The following ATF6 variants were observed in gnomAD, a reference collection of about 807,000 sequenced individuals.
ATF6 encodes the protein activating transcription factor 6.
A neutral mutation model predicts 83.6 loss-of-function variants in ATF6; 53 were observed. The ratio of observed to expected loss-of-function variants is 0.63; its 90% CI spans 0.51 to 0.80. ATF6 has a LOEUF of 0.80. Ranked by LOEUF, ATF6 falls within the 30% of genes least tolerant of loss-of-function variation. The pLI is 0.00. For missense variants in ATF6, 744 were observed against 797.9 expected, an observed-to-expected ratio of 0.93 and a Z score of 0.81; for synonymous variants, 288 against 285.8, an observed-to-expected ratio of 1.01 and a Z score of -0.08.
intron 14 of ATF6, among the ~76,000 whole-genome samples, chr1:161,881,013 C>G (rs1215234138): frequency 2.6e-5 from 4 of 151,896 alleles, no homozygotes; most frequent in Non-Finnish European, 4.4e-5. Context: ...TAATTTTGAC[C>G]AACTTTTTAT....
intron 15 of ATF6, among the ~76,000 whole-genome samples, chr1:161,947,227 T>A (rs1385524004): frequency 2.0e-5 from 3 of 152,036 alleles, no homozygotes; most frequent in Non-Finnish European, 4.4e-5. Context: ...CAAGGACAAG[T>A]AGGGATTTGT....
rs1689023098 is a variant in ATF6, at chr1:161,958,852, G to T, written c.*198G>T. The stretch of plus-strand genomic sequence containing the variant: ...TCTATTTGGAAAGCACTGGAATTCA[G>T]ATGCAAGAGAACAATGTTTCTTCAG... On this transcript the variant is annotated 3_prime_UTR_variant, in exon 16 of 16. Transcript: ENST00000367942. The T allele has an allele frequency of 2.0e-6, 1 of 501,318 alleles. No homozygotes were observed. Among genetic ancestry groups the T allele is most frequent in the Non-Finnish European group, 3.5e-6 (1 of 287,182 alleles). 31.1% of individuals were successfully genotyped at this position (501,318 alleles called of 1,614,324 possible). A position where few individuals can be genotyped will look rare whatever the true frequency, so the allele number is the denominator to read the frequency against.
chr1:161,921,348 A>T (rs1688208804), intron 15 of ATF6, among the ~76,000 whole-genome samples: 1 of 152,154 alleles, frequency 6.6e-6, no homozygotes, highest in Non-Finnish European at 1.5e-5. Context: ...TACAATGAAG[A>T]CTCTATTAAG....
At chr1:161,878,112 A>T (rs1687254021) in intron 14 of ATF6, among the ~76,000 whole-genome samples, 1 of 152,020 alleles carries the variant, frequency 6.6e-6, no homozygotes, top group South Asian at 2.1e-4. Context: ...GTCAGCTCAT[A>T]CACATTTATT....
intron 14 of ATF6, among the ~76,000 whole-genome samples, chr1:161,879,553 G>A (rs989172648): frequency 3.9e-5 from 6 of 152,068 alleles, no homozygotes; most frequent in African/African-American, 7.2e-5. Flanking sequence ...ACCAATCTTG[G>A]AGGGGCTGTC....
intron 12 of ATF6, among the ~76,000 whole-genome samples, chr1:161,858,244 A>G (rs547920220): frequency 1.1e-4 from 17 of 152,360 alleles, no homozygotes; most frequent in African/African-American, 4.1e-4. Flanking sequence ...TTAAAAATGC[A>G]TACCAAGATG....
At chr1:161,799,326 G>GATAAT (rs765015171) in intron 6 of ATF6, among the ~76,000 whole-genome samples, 137 of 152,272 alleles carry the variant, frequency 9.0e-4, no homozygotes, top group Middle Eastern at 3.4e-3. Context: ...AATTAATGCA[G>GATAAT]GAACAGAAAA....
intron 15 of ATF6, among the ~76,000 whole-genome samples, chr1:161,935,022 C>T (rs988146043): frequency 2.6e-5 from 4 of 152,204 alleles, no homozygotes; most frequent in Non-Finnish European, 4.4e-5. Flanking sequence ...TAAAGAAAGA[C>T]AGATGCAAAT....
At chr1:161,918,546 G>A (rs1688144881) in intron 15 of ATF6, among the ~76,000 whole-genome samples, 1 of 152,144 alleles carries the variant, frequency 6.6e-6, no homozygotes, top group South Asian at 2.1e-4. Flanking sequence ...ATTACATAAT[G>A]TATAATCTGA....
intron 15 of ATF6, among the ~76,000 whole-genome samples, chr1:161,915,072 A>C (rs1688068760): frequency 6.6e-6 from 1 of 152,008 alleles, no homozygotes; most frequent in South Asian, 2.1e-4. Context: ...AAACTCCAAC[A>C]TCCTCTCTCC....
chr1:161,786,281 C>T (rs1023428511), intron 4 of ATF6, among the ~76,000 whole-genome samples: 39 of 152,034 alleles, frequency 2.6e-4, no homozygotes, highest in African/African-American at 8.9e-4. Context: ...ACACTGCGCC[C>T]GGCCGTTCAT....
intron 15 of ATF6, among the ~76,000 whole-genome samples, chr1:161,920,516 G>C (rs959535894): frequency 6.6e-6 from 1 of 151,736 alleles, no homozygotes; most frequent in Non-Finnish European, 1.5e-5. Context: ...GGGTGGTCTC[G>C]ATCTCCTGAC....
intron 15 of ATF6, among the ~76,000 whole-genome samples, chr1:161,951,552 C>T (rs1688863141): frequency 1.3e-5 from 2 of 152,134 alleles, no homozygotes; most frequent in African/African-American, 4.8e-5. Flanking sequence ...CAGATGTTCT[C>T]TCTGAATTTA....
In ATF6 at chr1:161,902,295, A is replaced by G. The variant is rs560928551; in HGVS notation, c.1720-10001A>G. Reference sequence around the variant, plus strand: ...GCCATTATGCTTCAGTAGGCAGCAAAACAGTTTTTTATGTTCTTGCCCTTT... The same window carrying G: ...GCCATTATGCTTCAGTAGGCAGCAAGACAGTTTTTTATGTTCTTGCCCTTT... On this transcript the variant is annotated intron_variant, in intron 14 of 15. Coordinates refer to ENST00000367942, the MANE Select transcript of ATF6 (RefSeq NM_007348.4). Among the ~76,000 whole-genome samples the G allele has an allele frequency of 4.6e-5, 7 of 152,332 alleles. No individual in the cohort carries two copies. The South Asian group carries it at 1.4e-3, about 32-fold the overall frequency.
intron 14 of ATF6, among the ~76,000 whole-genome samples, chr1:161,894,702 ATTTTTT>A (rs59848309): frequency 6.3e-4 from 69 of 109,156 alleles, no homozygotes; most frequent in Non-Finnish European, 1.1e-3. Flanking sequence ...AGCCGGGCTA[ATTTTTT>A]TTTTTTTTTT....
chr1:161,913,229 G>T (rs905391801), intron 15 of ATF6, among the ~76,000 whole-genome samples: 1 of 152,132 alleles, frequency 6.6e-6, no homozygotes, highest in Admixed American at 6.5e-5. Flanking sequence ...TTTCTGTCTG[G>T]TAGCAAAAAC....
At chr1:161,817,350 A>T (rs1226386728) in intron 7 of ATF6, among the ~76,000 whole-genome samples, 1 of 152,148 alleles carries the variant, frequency 6.6e-6, no homozygotes, top group Non-Finnish European at 1.5e-5. Context: ...TGTTCTGTGT[A>T]CTTCAGCACT....
intron 14 of ATF6, among the ~76,000 whole-genome samples, chr1:161,900,914 C>T (rs1009052839): frequency 6.6e-5 from 10 of 151,998 alleles, no homozygotes; most frequent in African/African-American, 2.4e-4. Context: ...TAGGATAGTA[C>T]ATGTATATGA....
intron 14 of ATF6, among the ~76,000 whole-genome samples, chr1:161,894,227 GTTT>G (rs11304307): frequency 0.014 from 1,714 of 124,016 alleles, 29 homozygotes; most frequent in African/African-American, 0.045. Flanking sequence ...TTGAGCAGGT[GTTT>G]TTTTTTTTTT....
Sources: allele counts gnomAD v4.1 joint callset (sites outside exome capture counted in the v4.1 genomes callset), GRCh38; gene constraint gnomAD v4.1.1; transcripts MANE v1.5; gene names NCBI Gene and HGNC (gene_info 2026-07-23, HGNC 2026-07-21).